EVL: variants seen among roughly 807,000 people sequenced by gnomAD.
EVL encodes the protein ena/VASP-like protein.
Under a neutral mutation model 59.6 loss-of-function variants are expected in EVL, and 21 were observed. The ratio of observed to expected loss-of-function variants is 0.35; its 90% CI spans 0.25 to 0.51. The LOEUF is 0.51. Ranked by LOEUF, EVL falls within the 20% of genes least tolerant of loss-of-function variation. The probability of loss-of-function intolerance (pLI) is 0.97; values close to 1 mark genes in which losing one functional copy is unlikely to be tolerated. For missense variants in EVL, 462 were observed against 546.6 expected (o/e 0.85, Z 1.54); for synonymous variants, 198 against 203.5 (o/e 0.97, Z 0.23).
At chr14:100,022,278 G>GTTT (rs60834825) in intron 1 of EVL, among the ~76,000 whole-genome samples, 103 of 129,170 alleles carry the variant, frequency 8.0e-4, no homozygotes, top group African/African-American at 2.8e-3. Flanking sequence ...TTCTTGGTTT[G>GTTT]TTTTTTTTTT....
intron 3 of EVL, among the ~76,000 whole-genome samples, chr14:100,112,543 C>T (rs1887070142): frequency 6.6e-6 from 1 of 152,194 alleles, no homozygotes; most frequent in Admixed American, 6.5e-5. Context: ...TCTGAACTCA[C>T]TTCCTCCCTA....
At chr14:100,063,047 A>G (rs1452978909), upstream of EVL, among the ~76,000 whole-genome samples, 3 of 152,226 alleles carry the variant, frequency 2.0e-5, no homozygotes, top group Admixed American at 6.5e-5. Flanking sequence ...GCAGTGAACT[A>G]TGATCACACC....
chr14:99,978,479 CTTTT>C (rs1340474912), intron 1 of EVL, among the ~76,000 whole-genome samples: 1 of 150,314 alleles, frequency 6.7e-6, no homozygotes, highest in Non-Finnish European at 1.5e-5. Context: ...TTTTTCTTTT[CTTTT>C]TTTTAAGTCA....
At chr14:100,069,501 C>G (rs1176917017) in intron 1 of EVL, among the ~76,000 whole-genome samples, 1 of 152,168 alleles carries the variant, frequency 6.6e-6, no homozygotes, top group Non-Finnish European at 1.5e-5. Context: ...CCAGTCCTCA[C>G]GGGCAAGTCA....
rs1195564472 is a variant in EVL, at chr14:100,108,384, C to T, written c.358+10726C>T. ...GGACTGTCTTCATCTCCCTGGCTGC[C>T]GAGGCCATTTGACACCTTGTGCCAC... On this transcript the variant is annotated intron_variant, in intron 3 of 13. Transcript: ENST00000392920. This position sits in a 1 kb window ranked among gnomAD's most constrained non-coding sequence, Gnocchi z 4.1. Among the ~76,000 whole-genome samples, 1 of 152,140 alleles carries T rather than the reference C, an allele frequency of 6.6e-6. No individual in the cohort carries two copies. Among genetic ancestry groups the T allele is most frequent in the African/African-American group, 2.4e-5 (1 of 41,422 alleles).
At chr14:100,096,503 G>A (rs147733719) in intron 2 of EVL, among the ~76,000 whole-genome samples, 7 of 152,224 alleles carry the variant, frequency 4.6e-5, no homozygotes, top group African/African-American at 1.7e-4. Context: ...ACAACACACT[G>A]TGAGGGTGCC....
At chr14:100,046,016 G>A (rs530500246) in intron 1 of EVL, among the ~76,000 whole-genome samples, 40 of 152,290 alleles carry the variant, frequency 2.6e-4, no homozygotes, top group African/African-American at 9.1e-4. Context: ...AGACCTGTTT[G>A]ATTTGATTTT....
chr14:100,053,362 TCTC>T (rs1279661073), intron 1 of EVL, among the ~76,000 whole-genome samples: 1 of 152,208 alleles, frequency 6.6e-6, no homozygotes. Context: ...CTATTTTTAT[TCTC>T]CTCATGGCTA....
At chr14:99,978,706 T>C (rs2060786631) in intron 1 of EVL, among the ~76,000 whole-genome samples, 1 of 152,254 alleles carries the variant, frequency 6.6e-6, no homozygotes, top group African/African-American at 2.4e-5. Context: ...GGTTTACCTA[T>C]GATAACACTT....
chr14:100,141,143 C>G, intron 11 of EVL, 37 bp from the exon 12 acceptor site: 1 of 1,608,420 alleles, frequency 6.2e-7, no homozygotes. Context: ...CCACACCTGT[C>G]TCCAGCCAGG....
At chr14:100,023,118 A>G (rs1366394944) in intron 1 of EVL, among the ~76,000 whole-genome samples, 2 of 151,862 alleles carry the variant, frequency 1.3e-5, no homozygotes, top group East Asian at 3.9e-4. Flanking sequence ...GCCATTGCCT[A>G]CAAGACTATT....
At chr14:100,080,062 CTT>C (rs371508011) in intron 1 of EVL, among the ~76,000 whole-genome samples, 6 of 140,876 alleles carry the variant, frequency 4.3e-5, no homozygotes, top group Middle Eastern at 3.6e-3. Context: ...ATGTGTTTTG[CTT>C]TTTTTTTTTT....
At chr14:100,029,051 T>C (rs1192117236) in intron 1 of EVL, among the ~76,000 whole-genome samples, 2 of 152,236 alleles carry the variant, frequency 1.3e-5, no homozygotes, top group African/African-American at 4.8e-5. Flanking sequence ...GTATTGTTTG[T>C]ATATTTTACA....
chr14:100,014,735 CTG>C (rs1324704494), intron 1 of EVL, among the ~76,000 whole-genome samples: 2 of 152,084 alleles, frequency 1.3e-5, no homozygotes, highest in Non-Finnish European at 2.9e-5. Flanking sequence ...GGGTTGAAAA[CTG>C]TGCAGGAAGG....
chr14:100,019,413 CAT>C, intron 1 of EVL: 2 of 507,944 alleles, frequency 3.9e-6, no homozygotes, highest in Non-Finnish European at 6.9e-6. Flanking sequence ...GCATACACTG[CAT>C]TAATCAGACT....
intron 1 of EVL, among the ~76,000 whole-genome samples, chr14:100,050,255 A>ATAT (rs913808835): frequency 2.8e-4 from 42 of 152,364 alleles, no homozygotes; most frequent in African/African-American, 9.9e-4. Flanking sequence ...GTCTTTAAAC[A>ATAT]TATATAACTT....
intron 1 of EVL, among the ~76,000 whole-genome samples, chr14:100,000,387 AC>A (rs1469554799): frequency 1.6e-5 from 2 of 125,240 alleles, no homozygotes; most frequent in Non-Finnish European, 3.1e-5. Context: ...TCGCTCTGTC[AC>A]CCAGGCTGGA....
Position 100,129,624 on chromosome 14 carries a change from C to G in EVL, c.779C>G (p.Ala260Gly). 6.2e-7 allele frequency: 1 copy of G among 1,612,826 alleles called. No individual in the cohort carries two copies. Among genetic ancestry groups the G allele is most frequent in the Non-Finnish European group, 8.5e-7 (1 of 1,179,478 alleles). The stretch of plus-strand genomic sequence containing the variant: ...ACCTCAAAGTCCGATGCCAACCGGG[C>G]AAGCAGCGGGGGTGGCGGAGGAGGC... ...SGTSKSDANR[A>G]SSGGGGGGLM... The change falls in exon 7 of 14, where the codon GCA (alanine) becomes GGA (glycine). Residue 260 changes from alanine to glycine, a missense_variant. Physicochemically the swap from Ala to Gly is moderately conservative, Grantham distance 60. Coordinates refer to ENST00000392920, the MANE Select transcript of EVL (RefSeq NM_016337.3).
Position 100,011,897 on chromosome 14 carries a change from G to A in EVL, c.5+39840G>A, listed in dbSNP as rs1360025200. ...GACTTGTATAGCACTTAAAATTTAC[G>A]AAAGATTGGCACACCTGTTATTATA... On this transcript the variant is annotated intron_variant, in intron 1 of 13. Transcript: ENST00000402714. Among the ~76,000 whole-genome samples, 3 of 152,134 alleles carry A rather than the reference G, an allele frequency of 2.0e-5. No homozygotes were observed. In the East Asian group the frequency reaches 5.8e-4, roughly 29 times the overall value.
Sources: allele counts gnomAD v4.1 joint callset (sites outside exome capture counted in the v4.1 genomes callset), GRCh38; gene constraint gnomAD v4.1.1; non-coding constraint Gnocchi (gnomAD v3.1); transcripts MANE v1.5; gene names NCBI Gene and HGNC (gene_info 2026-07-23, HGNC 2026-07-21).